PPEF1: variants seen among roughly 807,000 people sequenced by gnomAD.
PPEF1 encodes the protein protein phosphatase with EF-hand domain 1.
Under a neutral mutation model 53.3 loss-of-function variants are expected in PPEF1, and 12 were observed. That is an observed-to-expected ratio of 0.23 (90% CI 0.14 to 0.36). PPEF1 has a LOEUF of 0.36. Among genes scored for constraint, PPEF1 ranks in the 10% least tolerant of loss-of-function variants. The pLI, the probability that PPEF1 is intolerant of heterozygous loss-of-function variation, is 1.00. For synonymous variants in PPEF1, 165 were observed against 176.7 expected (o/e 0.93, Z 0.52); for missense variants, 334 against 490.4 (o/e 0.68, Z 3.01).
chrX:18,804,995 TC>T (rs1316140491), intron 11 of PPEF1, among the ~76,000 whole-genome samples: 22 of 110,828 alleles, frequency 2.0e-4, no homozygotes, highest in African/African-American at 6.6e-4. Flanking sequence ...TTTTCTTTTT[TC>T]TTTTTTTTGA....
At chrX:18,700,277 G>GTGTGTGTGTGTGTT (rs1463923253) in intron 5 of PPEF1, 86 of 51,933 alleles carry the variant, frequency 1.7e-3, no homozygotes, top group African/African-American at 4.2e-3. Context: ...GTGTGTGTGT[G>GTGTGTGTGTGTGTT]TGTGTTTGTG....
chrX:18,827,341 A>G lies in PPEF1; in HGVS notation c.1816A>G (p.Ile606Val), dbSNP rs1237483446. 1 of 1,208,774 alleles carries G rather than the reference A, an allele frequency of 8.3e-7. No homozygotes were observed. The highest frequency in any genetic ancestry group is 1.7e-5 in the African/African-American group (1 of 57,251). Residue 606 changes from isoleucine to valine, a missense_variant, in exon 16 of 16, where the codon ATT becomes GTT. Coordinates refer to ENST00000470157, the MANE Select transcript of PPEF1 (RefSeq NM_001377996.1). ...TTTTAGTTCTCACTACAATGTTCACATTGATGATTCCCAAGTCAATAAGCT... is the reference window on the plus strand; with the variant it reads ...TTTTAGTTCTCACTACAATGTTCACGTTGATGATTCCCAAGTCAATAAGCT... ...KLFSSHYNVH[I>V]DDSQVNKLAN...
intron 7 of PPEF1, 78 bp downstream of exon 7, chrX:18,779,254 G>A (rs2046033265): frequency 4.2e-6 from 4 of 945,557 alleles, no homozygotes; most frequent in Non-Finnish European, 5.8e-6. Flanking sequence ...TCCTAATAGA[G>A]ATAGAAGTGA....
chrX:18,760,641 T>G (rs1030384016), intron 5 of PPEF1, among the ~76,000 whole-genome samples: 2 of 110,021 alleles, frequency 1.8e-5, no homozygotes, highest in African/African-American at 6.6e-5. Context: ...AGGGTCTCAC[T>G]TTGTCACCCA....
intron 9 of PPEF1, among the ~76,000 whole-genome samples, chrX:18,787,367 C>A (rs1225536857): frequency 1.8e-5 from 2 of 110,547 alleles, no homozygotes; most frequent in African/African-American, 6.6e-5. Context: ...GTAAGGTGGG[C>A]AGGTTGAGGG....
chrX:18,783,816 A>T, intron 8 of PPEF1, 83 bp from the exon 9 acceptor site: 1 of 964,393 alleles, frequency 1.0e-6, no homozygotes, highest in Non-Finnish European at 1.4e-6. Flanking sequence ...CCTGAAAATC[A>T]TTACTTTTTG....
intron 6 of PPEF1, among the ~76,000 whole-genome samples, chrX:18,778,601 T>C (rs1289700589): frequency 9.0e-6 from 1 of 111,315 alleles, no homozygotes; most frequent in Non-Finnish European, 1.9e-5. Flanking sequence ...GAGCTGACCA[T>C]AGGGCCCCTT....
At chrX:18,700,258 TGTGTGTGTGTGTGTGTGTG>T (rs1249051897) in intron 5 of PPEF1, 3 of 104,787 alleles carry the variant, frequency 2.9e-5, no homozygotes, top group Non-Finnish European at 5.8e-5. Flanking sequence ...TGTGTGTGTG[TGTGTGTGTGTGTGTGTGTG>T]TGTGTTTGTG....
chrX:18,699,087 A>T (rs1026329714), intron 5 of PPEF1, among the ~76,000 whole-genome samples: 2 of 110,450 alleles, frequency 1.8e-5, no homozygotes, highest in Non-Finnish European at 3.8e-5. Context: ...ATTGTCCACT[A>T]TTTTTTTTGG....
intron 6 of PPEF1, among the ~76,000 whole-genome samples, chrX:18,778,222 G>A (rs2046008869): frequency 9.0e-6 from 1 of 111,444 alleles, no homozygotes; most frequent in African/African-American, 3.3e-5. Flanking sequence ...CATGTTACAT[G>A]TGTTTGTTTT....
rs746282633 is a variant in PPEF1 at position 18,730,252 on chromosome X, T to A, written c.118T>A (p.Tyr40Asn). Residue 40 changes from tyrosine (Y) to asparagine (N), a missense_variant, in exon 2 of 16, where the codon TAT becomes AAT. Coordinates refer to ENST00000470157, the MANE Select transcript of PPEF1 (RefSeq NM_001377996.1). ...AGCTCGACTGAAGGCCAGACAACAC[T>A]ATGCCCTCACCATCTTCCAGTCCAT... ...YKARLKARQH[Y>N]ALTIFQSIEY... 8.3e-7 allele frequency: 1 copy of A among 1,210,074 alleles called. No homozygotes were observed.
intron 1 of PPEF1, among the ~76,000 whole-genome samples, chrX:18,711,149 T>C (rs1246034626): frequency 9.2e-6 from 1 of 108,249 alleles, no homozygotes; most frequent in African/African-American, 3.4e-5. Flanking sequence ...AAGAATGAAA[T>C]CATGTCTTTT....
chrX:18,728,350 T>C (rs763617476), intron 1 of PPEF1, among the ~76,000 whole-genome samples: 1 of 110,799 alleles, frequency 9.0e-6, no homozygotes, highest in East Asian at 2.8e-4. Context: ...AGGGAAAAGG[T>C]ACGTCTTACA....
At chrX:18,695,693 C>T (rs1236159321) in intron 4 of PPEF1, among the ~76,000 whole-genome samples, 1 of 112,504 alleles carries the variant, frequency 8.9e-6, no homozygotes, top group African/African-American at 3.2e-5. Context: ...TAAACTCAAG[C>T]CATCGAGGAC....
intron 1 of PPEF1, among the ~76,000 whole-genome samples, chrX:18,727,952 C>T (rs1351199531): frequency 8.9e-6 from 1 of 111,750 alleles, no homozygotes; most frequent in African/African-American, 3.3e-5. Context: ...TCACTGAACC[C>T]GGTTCTCTTG....
intron 4 of PPEF1, among the ~76,000 whole-genome samples, chrX:18,755,057 A>G (rs935751265): frequency 8.9e-6 from 1 of 111,831 alleles, no homozygotes; most frequent in Non-Finnish European, 1.9e-5. Flanking sequence ...TAAAATAAAT[A>G]TGCTTAATAT....
intron 5 of PPEF1, among the ~76,000 whole-genome samples, chrX:18,760,618 T>A (rs1322624589): frequency 9.2e-6 from 1 of 109,024 alleles, no homozygotes; most frequent in African/African-American, 3.3e-5. Context: ...GTTTTTCGTT[T>A]TATTTTTGAG....
At position 18,751,772 on chromosome X, in the gene PPEF1, T is replaced by G. The variant is rs1190447398; in HGVS notation, c.396+1820T>G. Among the ~76,000 whole-genome samples, 11 of 112,092 alleles carry G rather than the reference T, an allele frequency of 9.8e-5. No homozygotes were observed. The Admixed American group carries it at 1.0e-3, about 11-fold the overall frequency. ...CCTAGCCTGGGCGAGAAAGCGAGAC[T>G]CCATCTCAAAAAAACAAACAAATAA... On this transcript the variant is annotated intron_variant, in intron 4 of 15. Transcript: ENST00000470157.
At chrX:18,819,150 A>C (rs974264693) in intron 13 of PPEF1, among the ~76,000 whole-genome samples, 3 of 111,801 alleles carry the variant, frequency 2.7e-5, no homozygotes, top group Non-Finnish European at 5.6e-5. Context: ...CCAAACAAAC[A>C]AGGATACAAA....
Sources: gnomAD v4.1 joint callset for allele counts (sites outside exome capture counted in the v4.1 genomes callset) on GRCh38, gnomAD v4.1.1 for gene constraint, MANE v1.5 for transcripts, NCBI Gene and HGNC (gene_info 2026-07-23, HGNC 2026-07-21) for gene names.